EFCAB8: variants seen among roughly 807,000 people sequenced by gnomAD.
The protein encoded by EFCAB8 is EF-hand calcium-binding domain-containing protein 8.
EFCAB8 carries 100 observed loss-of-function variants against 116.3 expected under a neutral mutation model. The observed-to-expected ratio is 0.86, with a 90% CI of 0.73 to 1.02. The LOEUF is 1.02. Ranked by LOEUF, EFCAB8 falls within the 50% of genes least tolerant of loss-of-function variation. The pLI is 0.00. For synonymous variants in EFCAB8, 558 were observed against 567.9 expected, an observed-to-expected ratio of 0.98 and a Z score of 0.25; for missense variants, 1,320 against 1,416.9, an observed-to-expected ratio of 0.93 and a Z score of 1.10.
intron 22 of EFCAB8, among the ~76,000 whole-genome samples, chr20:32,934,547 G>A (rs73249255): frequency 0.066 from 10,038 of 152,168 alleles, 457 homozygotes; most frequent in African/African-American, 0.13. Context: ...ACTATTTCTC[G>A]TAGTGGTTGA....
rs959225523 is a variant in EFCAB8 at position 32,863,949 on chromosome 20, C to A, written c.42+115C>A. ...TCTGCATCGGGGAGGGGGTTGCATACTCAGATATTTACTGGGCAGGTAACT... is the reference window on the plus strand; with the variant it reads ...TCTGCATCGGGGAGGGGGTTGCATAATCAGATATTTACTGGGCAGGTAACT... On this transcript the variant is annotated intron_variant, in intron 2 of 26. Coordinates refer to ENST00000400522, the MANE Select transcript of EFCAB8 (RefSeq NM_001143967.2). The A allele has an allele frequency of 5.1e-6, 6 of 1,186,434 alleles. No individual in the cohort carries two copies. The Admixed American group carries it at 1.1e-4, about 21-fold the overall frequency. 73.5% of individuals were successfully genotyped at this position (1,186,434 alleles called of 1,614,324 possible). A position where few individuals can be genotyped will look rare whatever the true frequency, so the allele number is the denominator to read the frequency against.
chr20:32,877,207 C>CTTTTTTTTTTTTTTTTTTTTTTTTTTT (rs757130907), intron 4 of EFCAB8, among the ~76,000 whole-genome samples: 21 of 115,052 alleles, frequency 1.8e-4, no homozygotes, highest in Non-Finnish European at 3.4e-4. Context: ...TTATTTCTTT[C>CTTTTTTTTTTTTTTTTTTTTTTTTTTT]TTTTTTTTTT....
At chr20:32,874,335 A>T (rs557660887) in intron 3 of EFCAB8, among the ~76,000 whole-genome samples, 2 of 151,886 alleles carry the variant, frequency 1.3e-5, no homozygotes, top group South Asian at 4.2e-4. Context: ...CCATCCTCCC[A>T]CCTCAGTCTC....
chr20:32,961,467 C>T lies in EFCAB8; in HGVS notation c.3725C>T (p.Ser1242Leu), dbSNP rs1281849106. The T allele has an allele frequency of 5.5e-6, 8 of 1,451,076 alleles. No individual in the cohort carries two copies. In the Middle Eastern group the frequency reaches 5.4e-4, roughly 98 times the overall value. 89.9% of individuals were successfully genotyped at this position (1,451,076 alleles called of 1,614,324 possible). A position where few individuals can be genotyped will look rare whatever the true frequency, so the allele number is the denominator to read the frequency against. The change falls in exon 27 of 27, where the codon TCG (serine) becomes TTG (leucine). Residue 1242 changes from serine to leucine, a missense_variant. Coordinates refer to ENST00000400522, the MANE Select transcript of EFCAB8 (RefSeq NM_001143967.2). ...GCCTCCACAGCCCATTCCACCCCCTCGGTCCCATCCCCGGTGTCCAAGTCC... is the reference window on the plus strand; with the variant it reads ...GCCTCCACAGCCCATTCCACCCCCTTGGTCCCATCCCCGGTGTCCAAGTCC... ...QSASTAHSTP[S>L]VPSPVSKSTL...
intron 24 of EFCAB8, among the ~76,000 whole-genome samples, chr20:32,959,206 C>T (rs1989065765): frequency 6.6e-6 from 1 of 152,126 alleles, no homozygotes; most frequent in South Asian, 2.1e-4. Flanking sequence ...GGTGGACATG[C>T]AAACTCATGG....
intron 5 of EFCAB8, among the ~76,000 whole-genome samples, chr20:32,881,602 T>G (rs1341530458): frequency 6.6e-6 from 1 of 152,202 alleles, no homozygotes; most frequent in Non-Finnish European, 1.5e-5. Flanking sequence ...ATTCCTCCTT[T>G]TCTCCATTTG....
At chr20:32,920,821 G>A (rs1447724004) in intron 20 of EFCAB8, among the ~76,000 whole-genome samples, 1 of 152,104 alleles carries the variant, frequency 6.6e-6, no homozygotes, top group Non-Finnish European at 1.5e-5. Flanking sequence ...CCTCTGGATT[G>A]GGGGTAACAG....
chr20:32,882,568 T>C (rs1339436911), intron 5 of EFCAB8, among the ~76,000 whole-genome samples: 1 of 152,220 alleles, frequency 6.6e-6, no homozygotes, highest in African/African-American at 2.4e-5. Flanking sequence ...TGGCCCAGGC[T>C]AGAATGCAGT....
At chr20:32,909,032 C>T (rs1487529732) in intron 14 of EFCAB8, among the ~76,000 whole-genome samples, 1 of 152,188 alleles carries the variant, frequency 6.6e-6, no homozygotes, top group Non-Finnish European at 1.5e-5. Context: ...GCTTGGGGAG[C>T]TGCAAGGCTG....
intron 20 of EFCAB8, among the ~76,000 whole-genome samples, 176 bp from the exon 21 acceptor site, chr20:32,930,222 G>C (rs1001296622): frequency 6.6e-6 from 1 of 152,202 alleles, no homozygotes; most frequent in African/African-American, 2.4e-5. Flanking sequence ...GTTCATAGTC[G>C]AGTATGACGT....
intron 3 of EFCAB8, among the ~76,000 whole-genome samples, chr20:32,872,628 T>G (rs1169158634): frequency 3.3e-5 from 5 of 151,762 alleles, no homozygotes; most frequent in Non-Finnish European, 7.4e-5. Context: ...ACCCTGTCCC[T>G]ACTAAAAATA....
chr20:32,959,868 G>A lies in EFCAB8; in HGVS notation c.3180G>A (p.Glu1060=). Residue 1060 remains glutamate, a synonymous_variant, in exon 25 of 27, where the codon GAG becomes GAA. Transcript: ENST00000400522. ...MALLHGKADK[E]ADTWAKLQKM... ...TCCTGCATGGGAAGGCAGATAAGGA[G>A]GCAGACACTTGGGCCAAGCTGCAGA... 1.9e-6 allele frequency: 3 copies of A among 1,551,164 alleles called. No individual in the cohort carries two copies. Among genetic ancestry groups the A allele is most frequent in the Non-Finnish European group, 2.6e-6 (3 of 1,146,710 alleles).
At chr20:32,905,397 C>T (rs1986627355) in intron 11 of EFCAB8, among the ~76,000 whole-genome samples, 1 of 152,178 alleles carries the variant, frequency 6.6e-6, no homozygotes, top group South Asian at 2.1e-4. Context: ...TGCAGGACGA[C>T]TGGACTAGTA....
At chr20:32,959,534 G>T (rs1054415948) in intron 24 of EFCAB8, among the ~76,000 whole-genome samples, 1 of 152,220 alleles carries the variant, frequency 6.6e-6, no homozygotes, top group African/African-American at 2.4e-5. Context: ...CGGGTGTCAG[G>T]TCTGCATGGT....
intron 22 of EFCAB8, among the ~76,000 whole-genome samples, chr20:32,936,014 A>ATTTATT (rs567827010): frequency 1.6e-3 from 245 of 151,628 alleles, no homozygotes; most frequent in African/African-American, 5.7e-3. Flanking sequence ...TTTTGCTTTT[A>ATTTATT]TTTATTTTTA....
Position 32,961,628 on chromosome 20 carries a change from C to G in EFCAB8, c.*19C>G. On this transcript the variant is annotated 3_prime_UTR_variant, in exon 27 of 27. Coordinates refer to ENST00000400522, the MANE Select transcript of EFCAB8 (RefSeq NM_001143967.2). ...GTTCTGAGGTGCTCCGCTGTCTTCTCTAGTCCTCCAGCAGGGCAACCAGGC... is the reference window on the plus strand; with the variant it reads ...GTTCTGAGGTGCTCCGCTGTCTTCTGTAGTCCTCCAGCAGGGCAACCAGGC... The G allele has an allele frequency of 7.9e-7, 1 of 1,269,168 alleles. No individual in the cohort carries two copies. The highest frequency in any genetic ancestry group is 1.0e-6 in the Non-Finnish European group (1 of 1,001,116). The allele number at this position is 1,269,168 out of a possible 1,614,324, so 78.6% of individuals were successfully genotyped here.
intron 23 of EFCAB8, among the ~76,000 whole-genome samples, chr20:32,953,675 G>T (rs1988868204): frequency 3.3e-5 from 5 of 152,200 alleles, no homozygotes; most frequent in South Asian, 4.2e-4. Flanking sequence ...TTCAAATTGG[G>T]TGTTGTTGTT....
At chr20:32,932,290 T>G (rs1987938919) in intron 22 of EFCAB8, among the ~76,000 whole-genome samples, 1 of 152,060 alleles carries the variant, frequency 6.6e-6, no homozygotes, top group Non-Finnish European at 1.5e-5. Flanking sequence ...GGCACAAGAA[T>G]CACTTGAACC....
intron 3 of EFCAB8, among the ~76,000 whole-genome samples, chr20:32,875,208 G>C (rs149038988): frequency 1.0e-3 from 158 of 152,272 alleles, no homozygotes; most frequent in African/African-American, 3.6e-3. Context: ...AGGACTTGTG[G>C]GGTGGTTGAA....
Sources: allele counts gnomAD v4.1 joint callset (sites outside exome capture counted in the v4.1 genomes callset), GRCh38; gene constraint gnomAD v4.1.1; transcripts MANE v1.5; gene names NCBI Gene and HGNC (gene_info 2026-07-23, HGNC 2026-07-21).